The following TRAIP variants were observed in gnomAD, a reference collection of about 807,000 sequenced individuals.
TRAIP encodes TRAF interacting protein.
TRAIP carries 37 observed loss-of-function variants against 65.0 expected under a neutral mutation model. The ratio of observed to expected loss-of-function variants is 0.57; its 90% CI spans 0.44 to 0.75. The LOEUF is 0.75. Ranked by LOEUF, TRAIP falls within the 30% of genes least tolerant of loss-of-function variation. The pLI is 0.00. For synonymous variants in TRAIP, 187 were observed against 219.1 expected (o/e 0.85, Z 1.29); for missense variants, 481 against 579.4 (o/e 0.83, Z 1.74).
At chr3:49,841,127 G>A in intron 7 of TRAIP, 55 bp from the exon 8 acceptor site, 1 of 1,448,596 alleles carries the variant, frequency 6.9e-7, no homozygotes, top group Non-Finnish European at 9.7e-7. Context: ...AGGTCAGACT[G>A]AGCCACAGCA....
chr3:49,852,280 T>C (rs1459784979), intron 1 of TRAIP, among the ~76,000 whole-genome samples: 3 of 151,354 alleles, frequency 2.0e-5, no homozygotes, highest in Non-Finnish European at 4.4e-5. Context: ...CGCAGGAGAA[T>C]TGCTTGAACC....
At chr3:49,852,321 C>T (rs1245749818) in intron 1 of TRAIP, among the ~76,000 whole-genome samples, 16 of 151,064 alleles carry the variant, frequency 1.1e-4, no homozygotes, top group African/African-American at 3.9e-4. Flanking sequence ...GAGCCGAGAT[C>T]GGACCATTGC....
At chr3:49,852,118 C>T (rs1375320330) in intron 1 of TRAIP, among the ~76,000 whole-genome samples, 1 of 151,768 alleles carries the variant, frequency 6.6e-6, no homozygotes, top group African/African-American at 2.4e-5. Flanking sequence ...CCTGTAATCC[C>T]AGCACTTTGG....
chr3:49,838,047 T>C (rs952070962), intron 10 of TRAIP, among the ~76,000 whole-genome samples: 4 of 152,076 alleles, frequency 2.6e-5, no homozygotes, highest in Non-Finnish European at 5.9e-5. Context: ...AGTTTTAAGT[T>C]TTTTGATACA....
At chr3:49,837,101 A>C (rs1285478348) in intron 10 of TRAIP, among the ~76,000 whole-genome samples, 1 of 151,626 alleles carries the variant, frequency 6.6e-6, no homozygotes, top group Non-Finnish European at 1.5e-5. Flanking sequence ...GGCCCAAGAA[A>C]ACTTAAGACT....
chr3:49,844,574 G>C lies in TRAIP; in HGVS notation c.247C>G (p.Leu83Val), dbSNP rs1485871973. The change falls in exon 4 of 15, where the codon CTG becomes GTG. Residue 83 changes from leucine to valine, a missense_variant. Leu to Val is a conservative substitution (Grantham distance 32). Coordinates refer to ENST00000331456, the MANE Select transcript of TRAIP (RefSeq NM_005879.3). ...VLDAEFLKNE[L>V]DNVRAQLSQK... The stretch of plus-strand genomic sequence containing the variant: ...GAAAGCTGGGCTCTGACATTGTCCA[G>C]TTCATTCTGAAAGGCAATACCCACA... 1 of 1,614,042 alleles carries C rather than the reference G, an allele frequency of 6.2e-7. No individual in the cohort carries two copies. Among genetic ancestry groups the C allele is most frequent in the South Asian group, 1.1e-5 (1 of 91,066 alleles).
chr3:49,831,922 T>A lies in TRAIP; in HGVS notation c.1031A>T (p.Lys344Met), dbSNP rs923059654. The A allele has an allele frequency of 6.3e-7, 1 of 1,577,854 alleles. No homozygotes were observed. The highest frequency in any genetic ancestry group is 1.4e-5 in the African/African-American group (1 of 73,562). Residue 344 changes from lysine (K) to methionine (M), a missense_variant, in exon 11 of 15, where the codon AAG (lysine) becomes ATG (methionine). By Grantham distance (95) the Lys-to-Met change is moderately conservative. Transcript: ENST00000331456. ...GCCAGCGACTATCACTCACTGTGAC[T>A]TCTCTAGGCAAAGTTTTTCGTAGTA... ...HGYYEKLCLEKSHSPIQDVPK... is the reference protein window; with the variant it reads ...HGYYEKLCLEMSHSPIQDVPK...
In TRAIP at chr3:49,856,514, A is replaced by ACGCGCCCC; in HGVS notation, c.-69_-62dup. The ACGCGCCCC allele has an allele frequency of 1.3e-6, 2 of 1,489,694 alleles. No individual in the cohort carries two copies. Among genetic ancestry groups the ACGCGCCCC allele is most frequent in the Non-Finnish European group, 1.8e-6 (2 of 1,084,858 alleles). 92.3% of individuals were successfully genotyped at this position (1,489,694 alleles called of 1,614,324 possible). The stretch of plus-strand genomic sequence containing the variant: ...AACTGCTACAGGTCCGGCTTCGTAG[A>ACGCGCCCC]CGCGCCCCCGCGCCTCCGCTTGCTT... On this transcript the variant is annotated 5_prime_UTR_variant, in exon 1 of 15. Coordinates refer to ENST00000331456, the MANE Select transcript of TRAIP (RefSeq NM_005879.3).
chr3:49,835,632 T>C (rs566268565), intron 10 of TRAIP, among the ~76,000 whole-genome samples: 8 of 152,214 alleles, frequency 5.3e-5, no homozygotes, highest in African/African-American at 1.7e-4. Flanking sequence ...ATTAAGAAGC[T>C]TCTTAAAAAA....
intron 3 of TRAIP, among the ~76,000 whole-genome samples, chr3:49,845,461 T>C (rs888613276): frequency 1.3e-5 from 2 of 152,252 alleles, no homozygotes; most frequent in Admixed American, 6.5e-5. Flanking sequence ...GAATTTCACA[T>C]GTGACCAATA....
chr3:49,844,096 A>G, intron 4 of TRAIP, 168 bp from the exon 5 acceptor site: 2 of 898,638 alleles, frequency 2.2e-6, no homozygotes, highest in Non-Finnish European at 3.3e-6. Context: ...CAAACCAGAG[A>G]AGCTGAGCCA....
chr3:49,847,962 C>T (rs1202945145), intron 2 of TRAIP, among the ~76,000 whole-genome samples, 181 bp downstream of exon 2: 1 of 152,232 alleles, frequency 6.6e-6, no homozygotes, highest in Non-Finnish European at 1.5e-5. Context: ...CATCTGCCAG[C>T]TACCTGTGGG....
At chr3:49,835,509 A>G (rs1324813687) in intron 10 of TRAIP, among the ~76,000 whole-genome samples, 1 of 152,228 alleles carries the variant, frequency 6.6e-6, no homozygotes. Flanking sequence ...ATGGTTGCAC[A>G]GCAATTAAAT....
At chr3:49,853,752 T>G (rs888956469) in intron 1 of TRAIP, among the ~76,000 whole-genome samples, 8 of 151,476 alleles carry the variant, frequency 5.3e-5, no homozygotes, top group African/African-American at 1.9e-4. Context: ...GAGGCTGAGG[T>G]AGGAGAATCA....
At position 49,830,006 on chromosome 3, in the gene TRAIP, T is replaced by C. The variant is rs1238800304; in HGVS notation, c.1086+14A>G. ...GCCAAAGGTTAGACTGTGCTTCTTC[T>C]AGAAAGCTCTTACCTTCCTGGGGCC... On this transcript the variant is annotated intron_variant, in intron 12 of 14. Coordinates refer to ENST00000331456, the MANE Select transcript of TRAIP (RefSeq NM_005879.3). 5.6e-6 allele frequency: 9 copies of C among 1,614,126 alleles called. No homozygotes were observed. Among genetic ancestry groups the C allele is most frequent in the Non-Finnish European group, 7.6e-6 (9 of 1,179,962 alleles).
rs1335765121 is a variant in TRAIP at position 49,841,068 on chromosome 3, ACT to A, written c.620_621del (p.Glu207ValfsTer16). ...TTCCGTGCCTCTTTTAGATTCTCGT[ACT>A]CTCTGCAATGTGGCCATGGAAAGAG... ...LAVYCVSLKKEYENLKEARKA... is the reference protein window; with the variant it reads ...LAVYCVSLKKXYENLKEARKA... On this transcript the variant is annotated frameshift_variant and splice_region_variant, in exon 8 of 15. Coordinates refer to ENST00000331456, the MANE Select transcript of TRAIP (RefSeq NM_005879.3). LOFTEE classifies it high-confidence loss of function. 2 of 1,613,842 alleles carry A rather than the reference ACT, an allele frequency of 1.2e-6. No individual in the cohort carries two copies. The highest frequency in any genetic ancestry group is 1.3e-5 in the African/African-American group (1 of 74,858).
chr3:49,833,328 G>A lies in TRAIP; in HGVS notation c.885-1260C>T, dbSNP rs190816215. On this transcript the variant is annotated intron_variant, in intron 10 of 14. Transcript: ENST00000331456. ...ATCCCCTAAGGCGTTGCCTAGTGGT[G>A]CCCAAGCTCAAGGCAAGCCAGGCTT... Among the ~76,000 whole-genome samples, 107 of 152,280 alleles carry A rather than the reference G, an allele frequency of 7.0e-4. 1 individual carries two copies. The East Asian group carries it at 0.016, about 23-fold the overall frequency.
At position 49,842,311 on chromosome 3, in the gene TRAIP, A is replaced by C. The variant is rs903401107; in HGVS notation, c.503+142T>G. The C allele has an allele frequency of 5.4e-6, 4 of 747,252 alleles. No homozygotes were observed. In the African/African-American group the frequency reaches 6.9e-5, roughly 13 times the overall value. The allele number at this position is 747,252 out of a possible 1,614,324, so 46.3% of individuals were successfully genotyped here. ...GAGGCTAAGATCTGTGCCCACACCC[A>C]GCTGACCTGAGCCCTCCATGGCCTA... is the stretch of plus-strand genomic sequence containing the variant. On this transcript the variant is annotated intron_variant, in intron 6 of 14. Coordinates refer to ENST00000331456, the MANE Select transcript of TRAIP (RefSeq NM_005879.3).
chr3:49,853,729 C>T (rs2081951937), intron 1 of TRAIP, among the ~76,000 whole-genome samples: 1 of 151,982 alleles, frequency 6.6e-6, no homozygotes, highest in African/African-American at 2.4e-5. Context: ...TGCCTGTAAT[C>T]CCAGCTACTC....
Sources: gnomAD v4.1 joint callset for allele counts (sites outside exome capture counted in the v4.1 genomes callset) on GRCh38, gnomAD v4.1.1 for gene constraint, MANE v1.5 for transcripts, NCBI Gene and HGNC (gene_info 2026-07-23, HGNC 2026-07-21) for gene names.